The following PPM1L variants were observed in gnomAD, a reference collection of about 807,000 sequenced individuals.
PPM1L encodes protein phosphatase, Mg2+/Mn2+ dependent 1L.
A neutral mutation model predicts 31.4 loss-of-function variants in PPM1L; 13 were observed. The ratio of observed to expected loss-of-function variants is 0.41; its 90% CI spans 0.27 to 0.66. The LOEUF (loss-of-function observed/expected upper bound fraction) is 0.66. Among genes scored for constraint, PPM1L ranks in the 30% least tolerant of loss-of-function variants. The probability of loss-of-function intolerance (pLI) is 0.29; values close to 1 mark genes in which losing one functional copy is unlikely to be tolerated. For synonymous variants in PPM1L, 184 were observed against 175.4 expected (o/e 1.05, Z -0.39); for missense variants, 326 against 453.7 (o/e 0.72, Z 2.56).
At chr3:160,806,013 C>T (rs1038523677) in intron 1 of PPM1L, among the ~76,000 whole-genome samples, 3 of 152,174 alleles carry the variant, frequency 2.0e-5, no homozygotes, top group African/African-American at 7.2e-5. Flanking sequence ...GTGACATCCT[C>T]GGTTTGACAG....
At chr3:160,789,812 T>A (rs1418123241) in intron 1 of PPM1L, among the ~76,000 whole-genome samples, 1 of 152,052 alleles carries the variant, frequency 6.6e-6, no homozygotes, top group Non-Finnish European at 1.5e-5. Flanking sequence ...TCTCACATGA[T>A]CATGTGTGTA....
chr3:160,904,106 C>G (rs960397437), intron 1 of PPM1L, among the ~76,000 whole-genome samples: 1 of 152,098 alleles, frequency 6.6e-6, no homozygotes, highest in Non-Finnish European at 1.5e-5. Flanking sequence ...TATAATGAGT[C>G]AGGTAGCTTT....
chr3:160,886,063 A>AC, intron 1 of PPM1L, among the ~76,000 whole-genome samples: 1 of 152,200 alleles, frequency 6.6e-6, no homozygotes, highest in Non-Finnish European at 1.5e-5. Flanking sequence ...GGTGTCCCCC[A>AC]CAGGCCAACA....
At chr3:160,874,596 T>G (rs1357176602) in intron 1 of PPM1L, among the ~76,000 whole-genome samples, 2 of 152,240 alleles carry the variant, frequency 1.3e-5, no homozygotes, top group Non-Finnish European at 2.9e-5. Flanking sequence ...CTATATGCTC[T>G]TCTAACAGTG....
chr3:160,918,669 A>G (rs947964048), intron 1 of PPM1L, among the ~76,000 whole-genome samples: 1 of 152,224 alleles, frequency 6.6e-6, no homozygotes, highest in Non-Finnish European at 1.5e-5. Context: ...CTATATTTCT[A>G]TAATTTTAAA....
At chr3:160,845,629 T>C (rs1714053601) in intron 1 of PPM1L, among the ~76,000 whole-genome samples, 1 of 152,056 alleles carries the variant, frequency 6.6e-6, no homozygotes. Context: ...GTATAGTTTT[T>C]GCTGATACAT....
At chr3:161,052,085 C>T (rs1719296457) in intron 2 of PPM1L, among the ~76,000 whole-genome samples, 1 of 152,192 alleles carries the variant, frequency 6.6e-6, no homozygotes, top group Non-Finnish European at 1.5e-5. Flanking sequence ...TTACTGTTCT[C>T]ACTCAATGGG....
At chr3:160,798,797 T>C (rs1416555853) in intron 1 of PPM1L, among the ~76,000 whole-genome samples, 1 of 152,206 alleles carries the variant, frequency 6.6e-6, no homozygotes, top group Non-Finnish European at 1.5e-5. Flanking sequence ...TGTAAGGCTG[T>C]AGCTGCCATA....
chr3:160,831,623 T>A (rs975440593), intron 1 of PPM1L, among the ~76,000 whole-genome samples: 8 of 152,190 alleles, frequency 5.3e-5, no homozygotes, highest in Admixed American at 1.3e-4. Flanking sequence ...CCCTGACTAC[T>A]GGGTCCCCCT....
At chr3:160,891,179 T>C (rs1341752833) in intron 1 of PPM1L, among the ~76,000 whole-genome samples, 4 of 151,694 alleles carry the variant, frequency 2.6e-5, no homozygotes, top group Admixed American at 2.6e-4. Context: ...ATCATCAGAG[T>C]GAACAGGTAA....
At chr3:161,052,719 A>G (rs1463911813) in intron 2 of PPM1L, among the ~76,000 whole-genome samples, 3 of 152,242 alleles carry the variant, frequency 2.0e-5, no homozygotes, top group Non-Finnish European at 4.4e-5. Flanking sequence ...GGTCATTTGT[A>G]TAAGGATAAC....
In PPM1L at chr3:160,935,498, G is replaced by A. The variant is rs982439126; in HGVS notation, c.400-26238G>A. 3.3e-5 allele frequency among the ~76,000 whole-genome samples: 5 copies of A among 152,294 alleles called. No homozygotes were observed. In the South Asian group the frequency reaches 1.0e-3, roughly 32 times the overall value. ...TGATCCATCAGATAGAGTTTGCTGG[G>A]CCAGAAATACTGCAGTGCAGCAGAG... On this transcript the variant is annotated intron_variant, in intron 1 of 3. Transcript: ENST00000498165.
At chr3:161,048,270 G>A (rs1460608065) in intron 2 of PPM1L, among the ~76,000 whole-genome samples, 1 of 152,210 alleles carries the variant, frequency 6.6e-6, no homozygotes, top group Non-Finnish European at 1.5e-5. Flanking sequence ...GTGGGTGAAA[G>A]ATATGAACAG....
intron 2 of PPM1L, among the ~76,000 whole-genome samples, chr3:161,025,505 G>A (rs936052263): frequency 9.9e-5 from 15 of 151,644 alleles, no homozygotes; most frequent in African/African-American, 2.7e-4. Context: ...TAAGGAGTTC[G>A]TGGCTTCATT....
At chr3:161,035,636 A>C (rs946962079) in intron 2 of PPM1L, among the ~76,000 whole-genome samples, 11 of 152,244 alleles carry the variant, frequency 7.2e-5, no homozygotes, top group African/African-American at 2.7e-4. Flanking sequence ...TGTCAGAGGT[A>C]AGATTGCTTT....
chr3:160,934,678 T>A (rs1157518137), intron 1 of PPM1L, among the ~76,000 whole-genome samples: 1 of 152,082 alleles, frequency 6.6e-6, no homozygotes, highest in East Asian at 1.9e-4. Context: ...ATTGGCCGGG[T>A]GCAGTGGCTC....
chr3:160,870,557 A>G (rs1433931592), intron 1 of PPM1L: 1 of 152,166 alleles, frequency 6.6e-6, no homozygotes, highest in African/African-American at 2.4e-5. Context: ...ACTTAAAGCA[A>G]CATTGCTGTG....
chr3:160,958,578 G>GA (rs772274922), intron 1 of PPM1L, among the ~76,000 whole-genome samples: 6 of 152,104 alleles, frequency 3.9e-5, no homozygotes, highest in East Asian at 1.9e-4. Flanking sequence ...CAGTGTCAGG[G>GA]AAAAAATGTT....
At chr3:160,802,871 AT>A (rs1361397427) in intron 1 of PPM1L, among the ~76,000 whole-genome samples, 2 of 152,184 alleles carry the variant, frequency 1.3e-5, no homozygotes, top group African/African-American at 2.4e-5. Context: ...ACAATTAAAT[AT>A]TTTTTTGAAT....
Sources: allele counts gnomAD v4.1 joint callset (sites outside exome capture counted in the v4.1 genomes callset), GRCh38; gene constraint gnomAD v4.1.1; transcripts MANE v1.5; gene names NCBI Gene and HGNC (gene_info 2026-07-23, HGNC 2026-07-21).